Variants in ECE1 observed in about 807,000 individuals in gnomAD.
ECE1 encodes endothelin-converting enzyme 1.
In ECE1, 35 loss-of-function variants were observed where a neutral mutation model predicts 98.6. The ratio of observed to expected loss-of-function variants is 0.35; its 90% CI spans 0.27 to 0.47. The LOEUF is 0.47. ECE1 is among the 20% of genes least tolerant of loss of function. The pLI is 1.00. For missense variants in ECE1, 814 were observed against 1,025.3 expected, an observed-to-expected ratio of 0.79 and a Z score of 2.81; for synonymous variants, 394 against 407.1, an observed-to-expected ratio of 0.97 and a Z score of 0.39.
intron 1 of ECE1, among the ~76,000 whole-genome samples, chr1:21,297,530 CTTTTTT>C (rs768958507): frequency 0.01 from 1,175 of 116,178 alleles, 20 homozygotes; most frequent in African/African-American, 0.04. Flanking sequence ...TTTTCTTTTT[CTTTTTT>C]TTTTTTTTTT....
intron 16 of ECE1, among the ~76,000 whole-genome samples, chr1:21,226,431 C>A (rs940458343): frequency 6.6e-6 from 1 of 152,142 alleles, no homozygotes; most frequent in East Asian, 1.9e-4. Flanking sequence ...TTCATATAAT[C>A]GGCAGGTGGC....
At chr1:21,328,904 G>A (rs1053037900) in intron 1 of ECE1, among the ~76,000 whole-genome samples, 2 of 152,092 alleles carry the variant, frequency 1.3e-5, no homozygotes, top group African/African-American at 4.8e-5. Flanking sequence ...CTTTGGGCAA[G>A]GTACCGCCTC....
intron 10 of ECE1, 114 bp from the exon 11 acceptor site, chr1:21,238,358 A>C (rs2103244349): frequency 1.2e-6 from 1 of 847,494 alleles, no homozygotes; most frequent in East Asian, 2.6e-5. Flanking sequence ...AAGTTCAGGG[A>C]GAGCTTTCCG....
At chr1:21,251,026 G>GAA (rs1318646701) in intron 8 of ECE1, among the ~76,000 whole-genome samples, 2 of 151,452 alleles carry the variant, frequency 1.3e-5, no homozygotes, top group African/African-American at 4.9e-5. Context: ...AAGAGATGCT[G>GAA]AATTTGCAGA....
chr1:21,295,248 T>C (rs568342581), upstream of ECE1, among the ~76,000 whole-genome samples: 9 of 152,332 alleles, frequency 5.9e-5, no homozygotes, highest in East Asian at 1.5e-3. Flanking sequence ...TGGTGACTCA[T>C]GCCTGCAATC....
rs1342489413 is a variant in ECE1, at chr1:21,345,422, G to A, written c.-44C>T. On this transcript the variant is annotated 5_prime_UTR_variant, in exon 1 of 19. Transcript: ENST00000415912. The surrounding 1 kb of genome is among the most constrained non-coding windows in gnomAD (Gnocchi z 5.1). ...CGGCTTCGCGCAGCTCCCCGCGCCC[G>A]GCTCCCGATTCCCAGCTCCGGGTTC... 7 of 1,316,956 alleles carry A rather than the reference G, an allele frequency of 5.3e-6. No homozygotes were observed. Among genetic ancestry groups the A allele is most frequent in the Non-Finnish European group, 6.8e-6 (7 of 1,022,396 alleles). The allele number at this position is 1,316,956 out of a possible 1,614,324, so 81.6% of individuals were successfully genotyped here. A position where few individuals can be genotyped will look rare whatever the true frequency, so the allele number is the denominator to read the frequency against.
chr1:21,255,166 T>C (rs555101908), intron 8 of ECE1, among the ~76,000 whole-genome samples: 10 of 152,274 alleles, frequency 6.6e-5, no homozygotes, highest in African/African-American at 2.4e-4. Flanking sequence ...ACAGGTCAAA[T>C]TCGGCTGGTC....
chr1:21,220,757 T>A lies in ECE1; in HGVS notation c.2137-626A>T, dbSNP rs558388453. Reference sequence around the variant, plus strand: ...GTTGCAGTGAGCCAAGATCACACCATTGCACTCCAGGCCGGGTGACTGAGG... The same window carrying A: ...GTTGCAGTGAGCCAAGATCACACCAATGCACTCCAGGCCGGGTGACTGAGG... On this transcript the variant is annotated intron_variant, in intron 18 of 18. Transcript: ENST00000374893. This position sits in a 1 kb window ranked among gnomAD's most constrained non-coding sequence, Gnocchi z 5.0. 6.6e-6 allele frequency among the ~76,000 whole-genome samples: 1 copy of A among 152,066 alleles called. No individual in the cohort carries two copies. Among genetic ancestry groups the A allele is most frequent in the South Asian group, 2.1e-4 (1 of 4,812 alleles).
upstream of ECE1, among the ~76,000 whole-genome samples, chr1:21,294,952 G>C (rs1298073168): frequency 6.6e-6 from 1 of 152,188 alleles, no homozygotes; most frequent in Non-Finnish European, 1.5e-5. This position sits in a 1 kb window ranked among gnomAD's most constrained non-coding sequence, Gnocchi z 4.2. Context: ...GCTGGGATCT[G>C]TTCAATCTTT....
chr1:21,217,314 T>C lies in ECE1; in HGVS notation c.*2641A>G, dbSNP rs2098161938. On this transcript the variant is annotated 3_prime_UTR_variant, in exon 19 of 19. Coordinates refer to ENST00000374893, the MANE Select transcript of ECE1 (RefSeq NM_001397.3). ...GCCAAAACTACAGTAGCTCAAAACA[T>C]AATACAAAAAATAGATTCCCAGCTC... is the stretch of plus-strand genomic sequence containing the variant. 6.6e-6 allele frequency: 1 copy of C among 152,150 alleles called. No individual in the cohort carries two copies. Among genetic ancestry groups the C allele is most frequent in the Non-Finnish European group, 1.5e-5 (1 of 68,052 alleles). The allele number at this position is 152,150 out of a possible 1,614,324, so 9.4% of individuals were successfully genotyped here. A position where few individuals can be genotyped will look rare whatever the true frequency, so the allele number is the denominator to read the frequency against.
At chr1:21,287,585 C>G (rs1182702934) in intron 2 of ECE1, among the ~76,000 whole-genome samples, 1 of 152,034 alleles carries the variant, frequency 6.6e-6, no homozygotes, top group Non-Finnish European at 1.5e-5. Flanking sequence ...CGCTAGCAAC[C>G]GGCCCAAAGG....
intron 8 of ECE1, among the ~76,000 whole-genome samples, chr1:21,249,933 T>TG (rs2098210064): frequency 6.8e-6 from 1 of 146,194 alleles, no homozygotes; most frequent in Non-Finnish European, 1.5e-5. Context: ...GCCACCACCT[T>TG]GGCTAATTTT....
intron 2 of ECE1, among the ~76,000 whole-genome samples, chr1:21,284,587 G>A (rs141304086): frequency 3.3e-5 from 5 of 152,304 alleles, no homozygotes; most frequent in Admixed American, 6.5e-5. Context: ...GAGTTCCCAG[G>A]GTTTCCACAG....
intron 6 of ECE1, among the ~76,000 whole-genome samples, chr1:21,257,995 T>C (rs2098222061): frequency 6.6e-6 from 1 of 152,220 alleles, no homozygotes; most frequent in Non-Finnish European, 1.5e-5. Context: ...AAATAAAACC[T>C]AACCTTCAGA....
At chr1:21,341,975 A>G (rs1470030217) in intron 1 of ECE1, among the ~76,000 whole-genome samples, 1 of 152,090 alleles carries the variant, frequency 6.6e-6, no homozygotes, top group Non-Finnish European at 1.5e-5. Context: ...GTGTTTCTAC[A>G]TACATTGTAC....
rs773764142 is a variant in ECE1 at position 21,225,421 on chromosome 1, G to A, written c.1869C>T (p.Asp623=). The change falls in exon 17 of 19, where the codon GAC becomes GAT. Residue 623 remains aspartate, a synonymous_variant. Transcript: ENST00000374893. This position sits in a 1 kb window ranked among gnomAD's most constrained non-coding sequence, Gnocchi z 5.3. ...FDDQGREYDK[D]GNLRPWWKNS... Reference sequence around the variant, plus strand: ...TCTTCCACCATGGCCGGAGGTTCCCGTCCTTGTCATACTCCCGTCCTGTGG... The same window carrying A: ...TCTTCCACCATGGCCGGAGGTTCCCATCCTTGTCATACTCCCGTCCTGTGG... The A allele has an allele frequency of 9.9e-6, 16 of 1,614,092 alleles. No homozygotes were observed. The highest frequency in any genetic ancestry group is 4.5e-5 in the East Asian group (2 of 44,872).
chr1:21,339,647 T>G (rs1639365380), intron 1 of ECE1, among the ~76,000 whole-genome samples: 1 of 152,178 alleles, frequency 6.6e-6, no homozygotes, highest in South Asian at 2.1e-4. Context: ...AGTTGGTGGT[T>G]CCTAATCCCC....
chr1:21,220,031 G>A lies in ECE1; in HGVS notation c.2237C>T (p.Ser746Phe). The A allele has an allele frequency of 6.2e-7, 1 of 1,614,228 alleles. No individual in the cohort carries two copies. The highest frequency in any genetic ancestry group is 1.6e-4 in the Middle Eastern group (1 of 6,062). The change falls in exon 19 of 19, where the codon TCC becomes TTC. Residue 746 changes from serine (S) to phenylalanine (F), a missense_variant. Coordinates refer to ENST00000374893, the MANE Select transcript of ECE1 (RefSeq NM_001397.3). The surrounding 1 kb of genome is among the most constrained non-coding windows in gnomAD (Gnocchi z 5.0). ...GCGGAAGTGTTCTGAGAACTCCTTG[G>A]AATTGGAGAGGGAGCCGATGACCCG... Reference protein sequence around the residue: ...RFRVIGSLSNSKEFSEHFRCP... With the variant: ...RFRVIGSLSNFKEFSEHFRCP...
chr1:21,308,728 G>A (rs188306740), intron 1 of ECE1, among the ~76,000 whole-genome samples: 2 of 150,050 alleles, frequency 1.3e-5, no homozygotes, highest in Non-Finnish European at 2.9e-5. Flanking sequence ...TGCATGGGAG[G>A]GGCTTGAGTC....
Sources: allele counts gnomAD v4.1 joint callset (sites outside exome capture counted in the v4.1 genomes callset), GRCh38; gene constraint gnomAD v4.1.1; non-coding constraint Gnocchi (gnomAD v3.1); transcripts MANE v1.5; gene names NCBI Gene and HGNC (gene_info 2026-07-23, HGNC 2026-07-21).